Variants in MAML2 observed in about 807,000 individuals in gnomAD.
MAML2 encodes the protein mastermind like transcriptional coactivator 2, also known as mastermind-like protein 2.
Under a neutral mutation model 96.1 loss-of-function variants are expected in MAML2, and 22 were observed. The ratio of observed to expected loss-of-function variants is 0.23; its 90% CI spans 0.16 to 0.33. The LOEUF (loss-of-function observed/expected upper bound fraction) is 0.33. Ranked by LOEUF, MAML2 falls within the 10% of genes least tolerant of loss-of-function variation. The pLI is 1.00. For missense variants in MAML2, 1,367 were observed against 1,392.4 expected (o/e 0.98, Z 0.29); for synonymous variants, 561 against 521.3 (o/e 1.08, Z -1.04).
intron 1 of MAML2, among the ~76,000 whole-genome samples, chr11:96,203,698 T>C (rs1861857596): frequency 2.0e-5 from 3 of 152,046 alleles, no homozygotes; most frequent in African/African-American, 7.2e-5. Context: ...AAATGCAAAA[T>C]ACATATATGG....
intron 2 of MAML2, among the ~76,000 whole-genome samples, chr11:95,999,960 G>A (rs747100199): frequency 6.6e-6 from 1 of 151,788 alleles, no homozygotes; most frequent in Non-Finnish European, 1.5e-5. Flanking sequence ...TGTTCCTCTC[G>A]GCTATTCATC....
chr11:95,989,992 G>GCT (rs1857885501), intron 3 of MAML2, among the ~76,000 whole-genome samples: 1 of 152,056 alleles, frequency 6.6e-6, no homozygotes, highest in Admixed American at 6.6e-5. Flanking sequence ...ACCTTTTGGT[G>GCT]CTCCACCCTC....
At chr11:96,335,163 A>G (rs557900778) in intron 1 of MAML2, among the ~76,000 whole-genome samples, 136 of 152,348 alleles carry the variant, frequency 8.9e-4, no homozygotes, top group Non-Finnish European at 1.6e-3. Flanking sequence ...CTGGTATCCA[A>G]CTGGACCTTA....
In MAML2 at chr11:95,979,507, C is replaced by T. The variant is rs1857700353; in HGVS notation, c.2912G>A (p.Gly971Glu). Residue 971 changes from glycine to glutamate, a missense_variant, in exon 5 of 5, where the codon GGA becomes GAA. Coordinates refer to ENST00000524717, the MANE Select transcript of MAML2 (RefSeq NM_032427.4). ...CAGGGCTTCTTGCTGTTTGCTTGTTCCTTCTTGAGAGGCCCAGTTTGGTGC... is the reference window on the plus strand; with the variant it reads ...CAGGGCTTCTTGCTGTTTGCTTGTTTCTTCTTGAGAGGCCCAGTTTGGTGC... ...TTAPNWASQE[G>E]TSKQQEALTS... 2 of 1,613,538 alleles carry T rather than the reference C, an allele frequency of 1.2e-6. No homozygotes were observed. The highest frequency in any genetic ancestry group is 2.2e-5 in the East Asian group (1 of 44,850).
Position 96,003,206 on chromosome 11 carries a change from G to A in MAML2, c.2140-11483C>T, listed in dbSNP as rs1289670251. Among the ~76,000 whole-genome samples the A allele has an allele frequency of 2.6e-5, 4 of 152,050 alleles. No homozygotes were observed. The East Asian group carries it at 7.7e-4, about 29-fold the overall frequency. Reference sequence around the variant, plus strand: ...GATGGGGATGATGATAAGGATGATGGGGATGATGAGGAAGATGATGTGCAT... The same window carrying A: ...GATGGGGATGATGATAAGGATGATGAGGATGATGAGGAAGATGATGTGCAT... On this transcript the variant is annotated intron_variant, in intron 2 of 4. Coordinates refer to ENST00000524717, the MANE Select transcript of MAML2 (RefSeq NM_032427.4).
At chr11:96,136,653 A>C (rs1446855112) in intron 1 of MAML2, among the ~76,000 whole-genome samples, 1 of 152,226 alleles carries the variant, frequency 6.6e-6, no homozygotes, top group Non-Finnish European at 1.5e-5. Context: ...ATTTAACTTT[A>C]ATATGAGAAG....
At chr11:96,130,293 A>T (rs1565223988) in intron 1 of MAML2, among the ~76,000 whole-genome samples, 3 of 152,298 alleles carry the variant, frequency 2.0e-5, no homozygotes, top group Admixed American at 6.5e-5. Flanking sequence ...GACTTCCAAA[A>T]GGGTGTCATT....
At chr11:96,016,400 G>A (rs1264534032) in intron 2 of MAML2, among the ~76,000 whole-genome samples, 3 of 152,128 alleles carry the variant, frequency 2.0e-5, no homozygotes, top group Non-Finnish European at 2.9e-5. Context: ...GCAGCCACAG[G>A]AAGCTCTCTG....
chr11:96,094,776 C>G (rs1435605469), intron 1 of MAML2, among the ~76,000 whole-genome samples: 1 of 152,164 alleles, frequency 6.6e-6, no homozygotes, highest in Non-Finnish European at 1.5e-5. Flanking sequence ...TGAAATTATT[C>G]AATGTTTTCT....
intron 1 of MAML2, among the ~76,000 whole-genome samples, chr11:96,334,627 C>G (rs1225713669): frequency 6.6e-6 from 1 of 152,198 alleles, no homozygotes; most frequent in Non-Finnish European, 1.5e-5. Context: ...TCAAAGAGGG[C>G]AAAGGCTATA....
chr11:96,272,801 G>C (rs1862935756), intron 1 of MAML2, among the ~76,000 whole-genome samples: 1 of 152,158 alleles, frequency 6.6e-6, no homozygotes, highest in Non-Finnish European at 1.5e-5. Context: ...GTACAATTAA[G>C]CTATTTAAGC....
At chr11:95,989,872 C>T (rs966146532) in intron 3 of MAML2, among the ~76,000 whole-genome samples, 1 of 152,202 alleles carries the variant, frequency 6.6e-6, no homozygotes, top group African/African-American at 2.4e-5. Context: ...ACTTATTCCA[C>T]TTGTAATTCC....
In MAML2 at chr11:96,232,615, G is replaced by A. The variant is rs368357791; in HGVS notation, c.513+108768C>T. 3.7e-4 allele frequency among the ~76,000 whole-genome samples: 56 copies of A among 152,194 alleles called. No individual in the cohort carries two copies. The East Asian group carries it at 9.3e-3, about 25-fold the overall frequency. On this transcript the variant is annotated intron_variant, in intron 1 of 4. Transcript: ENST00000524717. ...CTCCCGAGTAGCTGGGACTACAGGC[G>A]CCCGCCACCACGCCCGGCTAATTTT... is the stretch of plus-strand genomic sequence containing the variant.
At chr11:96,054,874 T>C (rs1207022175) in intron 2 of MAML2, among the ~76,000 whole-genome samples, 1 of 152,082 alleles carries the variant, frequency 6.6e-6, no homozygotes, top group Admixed American at 6.6e-5. Flanking sequence ...TAGAAAAAAA[T>C]AAATTTTAAA....
intron 2 of MAML2, among the ~76,000 whole-genome samples, chr11:96,082,821 G>A (rs1027350050): frequency 1.3e-5 from 2 of 152,206 alleles, no homozygotes; most frequent in Non-Finnish European, 2.9e-5. Flanking sequence ...TGGAGGCAGA[G>A]ACGTGGATGG....
chr11:96,272,683 C>A (rs1428395714), intron 1 of MAML2, among the ~76,000 whole-genome samples: 4 of 152,176 alleles, frequency 2.6e-5, no homozygotes, highest in African/African-American at 9.7e-5. Flanking sequence ...TTAACACACA[C>A]AAAAATGGCA....
chr11:96,007,696 G>C (rs1858206346), intron 2 of MAML2, among the ~76,000 whole-genome samples: 1 of 152,122 alleles, frequency 6.6e-6, no homozygotes, highest in Admixed American at 6.5e-5. Context: ...TTGAAAATCA[G>C]ATAAACTTCA....
chr11:96,082,729 C>T (rs1859546958), intron 2 of MAML2, among the ~76,000 whole-genome samples: 1 of 152,142 alleles, frequency 6.6e-6, no homozygotes, highest in African/African-American at 2.4e-5. Context: ...CGCTGTCCAA[C>T]TACCATCTGG....
rs1860785378 is a variant in MAML2, at chr11:96,144,462, C to T, written c.514-50945G>A. 2.0e-5 allele frequency among the ~76,000 whole-genome samples: 3 copies of T among 152,106 alleles called. No individual in the cohort carries two copies. The South Asian group carries it at 6.2e-4, about 32-fold the overall frequency. On this transcript the variant is annotated intron_variant, in intron 1 of 4. Coordinates refer to ENST00000524717, the MANE Select transcript of MAML2 (RefSeq NM_032427.4). ...AGTGGTAGAAGTGGGTTCTGTTCAACCATATGTAGAGGAATTAATCAGCTC... is the reference window on the plus strand; with the variant it reads ...AGTGGTAGAAGTGGGTTCTGTTCAATCATATGTAGAGGAATTAATCAGCTC...
Sources: gnomAD v4.1 joint callset for allele counts (sites outside exome capture counted in the v4.1 genomes callset) on GRCh38, gnomAD v4.1.1 for gene constraint, MANE v1.5 for transcripts, NCBI Gene and HGNC (gene_info 2026-07-23, HGNC 2026-07-21) for gene names.